AKIRIN2: variants seen among roughly 807,000 people sequenced by gnomAD.
AKIRIN2 encodes the protein akirin 2.
In AKIRIN2, 6 loss-of-function variants were observed where a neutral mutation model predicts 29.3. The observed-to-expected ratio is 0.20, with a 90% CI of 0.11 to 0.40. AKIRIN2 has a LOEUF of 0.40. Among genes scored for constraint, AKIRIN2 ranks in the 10% least tolerant of loss-of-function variants. The pLI, the probability that AKIRIN2 is intolerant of heterozygous loss-of-function variation, is 1.00. For synonymous variants in AKIRIN2, 128 were observed against 117.5 expected, an observed-to-expected ratio of 1.09 and a Z score of -0.58; for missense variants, 210 against 276.1, an observed-to-expected ratio of 0.76 and a Z score of 1.70.
intron 2 of AKIRIN2, among the ~76,000 whole-genome samples, chr6:87,678,319 G>A (rs930462236): frequency 1.3e-5 from 2 of 148,494 alleles, no homozygotes; most frequent in Admixed American, 1.4e-4. Flanking sequence ...CCAACATGGT[G>A]AAACCCTGCC....
intron 1 of AKIRIN2, among the ~76,000 whole-genome samples, chr6:87,683,903 C>T (rs774161240): frequency 3.9e-5 from 6 of 152,152 alleles, no homozygotes; most frequent in Non-Finnish European, 7.3e-5. Flanking sequence ...CCACCCTCCT[C>T]GGTCTCCCAA....
chr6:87,684,827 G>C, intron 1 of AKIRIN2, among the ~76,000 whole-genome samples: 1 of 152,120 alleles, frequency 6.6e-6, no homozygotes, highest in East Asian at 1.9e-4. Context: ...GAATATTCAA[G>C]TACCAGTCTT....
At chr6:87,676,790 C>A (rs1211825918) in intron 3 of AKIRIN2, among the ~76,000 whole-genome samples, 4 of 137,912 alleles carry the variant, frequency 2.9e-5, no homozygotes, top group Admixed American at 7.2e-5. Flanking sequence ...AAAAAAAAAA[C>A]AATTGGCCGG....
chr6:87,694,069 C>T (rs1309552902), intron 1 of AKIRIN2, among the ~76,000 whole-genome samples: 1 of 152,166 alleles, frequency 6.6e-6, no homozygotes, highest in East Asian at 1.9e-4. Flanking sequence ...TCTTCATTTA[C>T]TCATCAGTTC....
chr6:87,691,152 G>A (rs6935996), intron 1 of AKIRIN2, among the ~76,000 whole-genome samples: 1,778 of 152,040 alleles, frequency 0.012, 37 homozygotes, highest in African/African-American at 0.039. Context: ...ACGATAAAAA[G>A]TCCAAATTAG....
intron 1 of AKIRIN2, among the ~76,000 whole-genome samples, chr6:87,695,768 C>A (rs1771350210): frequency 1.3e-5 from 2 of 152,192 alleles, no homozygotes; most frequent in African/African-American, 4.8e-5. Context: ...AGAGAAAAAT[C>A]TCTTTTCAAA....
intron 1 of AKIRIN2, among the ~76,000 whole-genome samples, chr6:87,686,589 C>T (rs894408385): frequency 6.6e-6 from 1 of 151,962 alleles, no homozygotes; most frequent in Non-Finnish European, 1.5e-5. Flanking sequence ...GACATCATTA[C>T]TAGATCAAAC....
At chr6:87,701,150 C>T (rs1198304680) in intron 1 of AKIRIN2, among the ~76,000 whole-genome samples, 3 of 152,062 alleles carry the variant, frequency 2.0e-5, no homozygotes, top group African/African-American at 2.4e-5. Flanking sequence ...CCAGCGACTA[C>T]GGAAACAATT....
chr6:87,678,036 G>C, intron 2 of AKIRIN2, 69 bp from the exon 3 acceptor site: 2 of 1,426,082 alleles, frequency 1.4e-6, no homozygotes, highest in Non-Finnish European at 1.9e-6. Context: ...TCTAAATGAA[G>C]AGGTTTTATT....
intron 2 of AKIRIN2, 103 bp from the exon 3 acceptor site, chr6:87,678,070 A>T (rs1337618753): frequency 4.7e-6 from 5 of 1,062,762 alleles, no homozygotes; most frequent in Non-Finnish European, 5.1e-6. Context: ...TCTTGATATA[A>T]AAGCATTTTA....
chr6:87,676,319 G>C (rs995785148), intron 3 of AKIRIN2, among the ~76,000 whole-genome samples: 18 of 148,728 alleles, frequency 1.2e-4, no homozygotes, highest in Non-Finnish European at 2.2e-4. Context: ...AAAAAAATTA[G>C]CTGGGCATGG....
At chr6:87,688,621 G>A (rs1307717741) in intron 1 of AKIRIN2, among the ~76,000 whole-genome samples, 1 of 152,142 alleles carries the variant, frequency 6.6e-6, no homozygotes, top group Admixed American at 6.6e-5. Context: ...ATGCTGGCAT[G>A]TGCCTGTAAT....
chr6:87,683,191 A>G (rs1229897713), intron 1 of AKIRIN2, among the ~76,000 whole-genome samples: 1 of 152,260 alleles, frequency 6.6e-6, no homozygotes, highest in Admixed American at 6.5e-5. Flanking sequence ...TACCATTTAC[A>G]TAAATTTTGT....
Position 87,702,036 on chromosome 6 carries a change from G to C in AKIRIN2, c.-352C>G. 2.5e-6 allele frequency: 1 copy of C among 403,788 alleles called. No homozygotes were observed. The highest frequency in any genetic ancestry group is 4.4e-6 in the Non-Finnish European group (1 of 229,008). 25.0% of individuals were successfully genotyped at this position (403,788 alleles called of 1,614,324 possible). Reference sequence around the variant, plus strand: ...TCGAGCTTTGCGCCGCGCCTGAGGCGCTTCTGTGCTGAGACTAGATCCTTT... The same window carrying C: ...TCGAGCTTTGCGCCGCGCCTGAGGCCCTTCTGTGCTGAGACTAGATCCTTT... On this transcript the variant is annotated 5_prime_UTR_variant, in exon 1 of 5. Coordinates refer to ENST00000257787, the MANE Select transcript of AKIRIN2 (RefSeq NM_018064.4).
chr6:87,680,660 G>A (rs535200253), intron 2 of AKIRIN2, among the ~76,000 whole-genome samples: 1 of 151,882 alleles, frequency 6.6e-6, no homozygotes, highest in South Asian at 2.1e-4. Flanking sequence ...CACAAGAAAA[G>A]CTATTTTCCT....
chr6:87,680,462 G>A (rs571458826), intron 2 of AKIRIN2, among the ~76,000 whole-genome samples: 14 of 147,646 alleles, frequency 9.5e-5, no homozygotes, highest in African/African-American at 2.2e-4. Flanking sequence ...TAGTAGAGAC[G>A]GGGTTTCACT....
intron 3 of AKIRIN2, among the ~76,000 whole-genome samples, chr6:87,676,644 G>A (rs1366976676): frequency 1.4e-5 from 2 of 139,624 alleles, no homozygotes; most frequent in Admixed American, 1.4e-4. Flanking sequence ...GCTGGGCATG[G>A]TGGCACACAC....
intron 1 of AKIRIN2, among the ~76,000 whole-genome samples, chr6:87,684,458 A>G (rs1238022374): frequency 6.6e-6 from 1 of 152,230 alleles, no homozygotes; most frequent in East Asian, 1.9e-4. Context: ...CAGTTTTGGA[A>G]CTAACGTAAC....
chr6:87,687,022 G>A (rs1267136290), intron 1 of AKIRIN2, among the ~76,000 whole-genome samples: 6 of 141,966 alleles, frequency 4.2e-5, no homozygotes, highest in African/African-American at 1.3e-4. Flanking sequence ...CTCCAGCCAG[G>A]CGACAGAGCA....
Sources: gnomAD v4.1 joint callset for allele counts (sites outside exome capture counted in the v4.1 genomes callset) on GRCh38, gnomAD v4.1.1 for gene constraint, MANE v1.5 for transcripts, NCBI Gene and HGNC (gene_info 2026-07-23, HGNC 2026-07-21) for gene names.